Variants in PRKG1 observed in about 807,000 individuals in gnomAD.
PRKG1 encodes cGMP-dependent protein kinase 1.
A neutral mutation model predicts 88.1 loss-of-function variants in PRKG1; 35 were observed. The ratio of observed to expected loss-of-function variants is 0.40; its 90% CI spans 0.30 to 0.53. PRKG1 has a LOEUF of 0.53. Ranked by LOEUF, PRKG1 falls within the 20% of genes least tolerant of loss-of-function variation. The pLI is 0.59. For synonymous variants in PRKG1, 303 were observed against 292.5 expected, an observed-to-expected ratio of 1.04 and a Z score of -0.37; for missense variants, 540 against 839.8, an observed-to-expected ratio of 0.64 and a Z score of 4.41.
At chr10:51,126,201 T>C (rs1845404916) in intron 1 of PRKG1, among the ~76,000 whole-genome samples, 1 of 122,024 alleles carries the variant, frequency 8.2e-6, no homozygotes, top group Non-Finnish European at 1.6e-5. Flanking sequence ...TATTTATATG[T>C]TATTTATAAT....
In PRKG1 at chr10:51,534,464, C is replaced by T. The variant is rs1029942555; in HGVS notation, c.592+66628C>T. Among the ~76,000 whole-genome samples, 12 of 151,924 alleles carry T rather than the reference C, an allele frequency of 7.9e-5. No homozygotes were observed. The South Asian group carries it at 1.5e-3, about 18-fold the overall frequency. On this transcript the variant is annotated intron_variant, in intron 3 of 17. Coordinates refer to ENST00000373980, the MANE Select transcript of PRKG1 (RefSeq NM_006258.4). ...CAGGCGGATCATGAGGTCAGGAGAT[C>T]GAGACCATCCTGGCTAACATGGTGA...
At chr10:52,172,212 G>A (rs938135662) in intron 9 of PRKG1, among the ~76,000 whole-genome samples, 1 of 152,184 alleles carries the variant, frequency 6.6e-6, no homozygotes, top group African/African-American at 2.4e-5. Context: ...CCCAGTATGT[G>A]CTTGCTTGCA....
chr10:51,733,082 A>G (rs1837163550), intron 3 of PRKG1, among the ~76,000 whole-genome samples: 1 of 152,028 alleles, frequency 6.6e-6, no homozygotes. Flanking sequence ...AACAAAAAAA[A>G]CACACCTCTT....
rs1227981588 is a variant in PRKG1 at position 51,365,161 on chromosome 10, A to G, written c.479-102562A>G. ...TTGATCTAATATGTGTAAATCACAA[A>G]GCACAGTATCTGGCACATGGTAGGC... is the stretch of plus-strand genomic sequence containing the variant. On this transcript the variant is annotated intron_variant, in intron 2 of 17. Transcript: ENST00000373980. Among the ~76,000 whole-genome samples the G allele has an allele frequency of 9.9e-5, 15 of 152,066 alleles. No homozygotes were observed. In the East Asian group the frequency reaches 2.9e-3, roughly 30 times the overall value.
intron 8 of PRKG1, among the ~76,000 whole-genome samples, chr10:52,148,027 A>C (rs1055081287): frequency 6.6e-6 from 1 of 152,148 alleles, no homozygotes; most frequent in Non-Finnish European, 1.5e-5. Flanking sequence ...CTGAAGTCTT[A>C]AGGTTAAATA....
intron 3 of PRKG1, among the ~76,000 whole-genome samples, chr10:51,570,067 A>ATATATATATATATATATATATGTGTG (rs1491310201): frequency 4.4e-5 from 5 of 113,110 alleles, no homozygotes; most frequent in African/African-American, 1.1e-4. Context: ...ATATATATAT[A>ATATATATATATATATATATATGTGTG]TGTGTGTGTG....
intron 5 of PRKG1, among the ~76,000 whole-genome samples, chr10:51,989,683 CATAGATGT>C (rs1844253472): frequency 6.6e-6 from 1 of 151,960 alleles, no homozygotes; most frequent in Admixed American, 6.6e-5. Flanking sequence ...CATTGAGCAG[CATAGATGT>C]CATGAACATA....
intron 2 of PRKG1, among the ~76,000 whole-genome samples, chr10:51,296,272 A>G (rs1335255443): frequency 6.6e-6 from 1 of 152,094 alleles, no homozygotes; most frequent in East Asian, 1.9e-4. Context: ...TTGATTGTCT[A>G]TTAGAATTCA....
At chr10:51,859,979 A>G (rs1458709157) in intron 4 of PRKG1, among the ~76,000 whole-genome samples, 2 of 152,200 alleles carry the variant, frequency 1.3e-5, no homozygotes, top group Admixed American at 1.3e-4. Context: ...TACGTATGTT[A>G]CATGTGACAC....
At chr10:51,804,737 G>A (rs768748606) in intron 4 of PRKG1, 47 bp downstream of exon 4, 4 of 1,363,806 alleles carry the variant, frequency 2.9e-6, no homozygotes, top group Admixed American at 1.7e-5. Context: ...TTTCCTTTTA[G>A]CCCTATTATC....
At chr10:51,362,766 T>C (rs1171276899) in intron 2 of PRKG1, among the ~76,000 whole-genome samples, 2 of 151,862 alleles carry the variant, frequency 1.3e-5, no homozygotes, top group African/African-American at 2.4e-5. Context: ...CTCCTAATGC[T>C]ATCCCTCCCC....
chr10:51,931,285 C>T (rs1285922207), intron 5 of PRKG1, among the ~76,000 whole-genome samples: 1 of 152,054 alleles, frequency 6.6e-6, no homozygotes, highest in Admixed American at 6.6e-5. Flanking sequence ...ATACAATAAC[C>T]TCTAAAATAG....
intron 5 of PRKG1, among the ~76,000 whole-genome samples, chr10:51,930,786 T>C (rs1842678455): frequency 6.6e-6 from 1 of 152,162 alleles, no homozygotes; most frequent in Non-Finnish European, 1.5e-5. Flanking sequence ...CCACTGCGCC[T>C]GGCCAAAATG....
At chr10:52,131,844 A>AAAAAAAAAAAAAAAAAAAAAAAAC (rs764532999) in intron 7 of PRKG1, among the ~76,000 whole-genome samples, 1 of 117,256 alleles carries the variant, frequency 8.5e-6, no homozygotes. Context: ...AAAAAAAAAA[A>AAAAAAAAAAAAAAAAAAAAAAAAC]AAGAGGCCAG....
intron 4 of PRKG1, among the ~76,000 whole-genome samples, chr10:51,816,214 G>A (rs1839580770): frequency 6.6e-6 from 1 of 152,132 alleles, no homozygotes; most frequent in Admixed American, 6.6e-5. Context: ...TTTAGTCCAA[G>A]AAAAGACTAA....
intron 2 of PRKG1, among the ~76,000 whole-genome samples, chr10:51,256,795 G>A (rs1839571856): frequency 6.6e-6 from 1 of 152,064 alleles, no homozygotes; most frequent in African/African-American, 2.4e-5. Flanking sequence ...TAGAAAGTGA[G>A]GGAGATGGTA....
At chr10:51,899,209 G>T (rs1055790955) in intron 4 of PRKG1, among the ~76,000 whole-genome samples, 1 of 151,768 alleles carries the variant, frequency 6.6e-6, no homozygotes, top group East Asian at 1.9e-4. Context: ...TTCAACTTAG[G>T]TTGGTTATAT....
chr10:51,943,894 A>G (rs1448316105), intron 5 of PRKG1, among the ~76,000 whole-genome samples: 1 of 151,954 alleles, frequency 6.6e-6, no homozygotes, highest in Non-Finnish European at 1.5e-5. Flanking sequence ...ATGTTCATCA[A>G]GGATATTGGT....
At chr10:51,593,836 T>C (rs1838373577) in intron 3 of PRKG1, among the ~76,000 whole-genome samples, 1 of 152,092 alleles carries the variant, frequency 6.6e-6, no homozygotes, top group Non-Finnish European at 1.5e-5. Context: ...GTGATTCTCC[T>C]GCCTCATCCT....
Sources: allele counts gnomAD v4.1 joint callset (sites outside exome capture counted in the v4.1 genomes callset), GRCh38; gene constraint gnomAD v4.1.1; transcripts MANE v1.5; gene names NCBI Gene and HGNC (gene_info 2026-07-23, HGNC 2026-07-21).